GRAMD2B: variants seen among roughly 807,000 people sequenced by gnomAD.
The protein encoded by GRAMD2B is GRAM domain-containing protein 2B.
Under a neutral mutation model 59.2 loss-of-function variants are expected in GRAMD2B, and 41 were observed. The ratio of observed to expected loss-of-function variants is 0.69; its 90% CI spans 0.54 to 0.90. GRAMD2B has a LOEUF of 0.90. Among genes scored for constraint, GRAMD2B ranks in the 40% least tolerant of loss-of-function variants. GRAMD2B has a pLI of 0.00. For missense variants in GRAMD2B, 424 were observed against 500.5 expected, an observed-to-expected ratio of 0.85 and a Z score of 1.46; for synonymous variants, 161 against 182.7, an observed-to-expected ratio of 0.88 and a Z score of 0.96.
chr5:126,386,147 G>A (rs1485721841), intron 1 of GRAMD2B, among the ~76,000 whole-genome samples: 2 of 152,122 alleles, frequency 1.3e-5, no homozygotes, highest in Admixed American at 6.5e-5. Flanking sequence ...TTTGGTTGAC[G>A]TAGATGCTGA....
Position 126,484,854 on chromosome 5 carries a change from G to A in GRAMD2B, c.970+330G>A, listed in dbSNP as rs376642152. ...CCGCCTCAGCCTCCCAAAATGCTGAGATTATAGGCTTGAGCCACCATGCCC... is the reference window on the plus strand; with the variant it reads ...CCGCCTCAGCCTCCCAAAATGCTGAAATTATAGGCTTGAGCCACCATGCCC... On this transcript the variant is annotated intron_variant, in intron 10 of 13. Transcript: ENST00000285689. Among the ~76,000 whole-genome samples the A allele has an allele frequency of 1.8e-4, 27 of 152,312 alleles. No individual in the cohort carries two copies. In the East Asian group the frequency reaches 5.0e-3, roughly 28 times the overall value.
chr5:126,437,992 T>A (rs1762688178), intron 1 of GRAMD2B, among the ~76,000 whole-genome samples: 1 of 152,202 alleles, frequency 6.6e-6, no homozygotes, highest in Admixed American at 6.5e-5. Flanking sequence ...ACTGGAATCT[T>A]CTTTGTCAAT....
chr5:126,480,773 C>T, intron 8 of GRAMD2B, 66 bp downstream of exon 8: 1 of 1,401,956 alleles, frequency 7.1e-7, no homozygotes, highest in Non-Finnish European at 1.0e-6. Flanking sequence ...TACACTTGTG[C>T]TTACACCATG....
At chr5:126,431,160 A>G (rs1303350866) in intron 1 of GRAMD2B, among the ~76,000 whole-genome samples, 4 of 152,134 alleles carry the variant, frequency 2.6e-5, no homozygotes, top group African/African-American at 9.7e-5. Flanking sequence ...GGCCGGAATC[A>G]AGTTTTTTAT....
upstream of GRAMD2B, among the ~76,000 whole-genome samples, chr5:126,421,729 G>T (rs1759744407): frequency 6.6e-6 from 1 of 152,262 alleles, no homozygotes; most frequent in South Asian, 2.1e-4. Flanking sequence ...AAAAAGAGAA[G>T]GAATAAGAAA....
At chr5:126,425,166 T>G (rs1021436030) in intron 1 of GRAMD2B, among the ~76,000 whole-genome samples, 4 of 152,212 alleles carry the variant, frequency 2.6e-5, no homozygotes, top group Non-Finnish European at 4.4e-5. Flanking sequence ...AGGAGTGATA[T>G]GCAGCACTCC....
intron 1 of GRAMD2B, among the ~76,000 whole-genome samples, chr5:126,362,719 G>A (rs1025674599): frequency 6.6e-6 from 1 of 152,024 alleles, no homozygotes; most frequent in African/African-American, 2.4e-5. Context: ...CAACAAAATG[G>A]GCAAGATAAT....
intron 1 of GRAMD2B, among the ~76,000 whole-genome samples, chr5:126,382,948 T>C (rs758973429): frequency 1.7e-4 from 26 of 152,040 alleles, no homozygotes; most frequent in Non-Finnish European, 2.9e-4. Flanking sequence ...CAGACTGCAG[T>C]GATTATTATT....
rs1033348419 is a variant in GRAMD2B, at chr5:126,487,086, A to G, written c.1163+109A>G. 16 of 666,196 alleles carry G rather than the reference A, an allele frequency of 2.4e-5. No homozygotes were observed. The East Asian group carries it at 4.0e-4, about 17-fold the overall frequency. 41.3% of individuals were successfully genotyped at this position (666,196 alleles called of 1,614,324 possible). On this transcript the variant is annotated intron_variant, in intron 12 of 13. Coordinates refer to ENST00000285689, the MANE Select transcript of GRAMD2B (RefSeq NM_023927.4). Reference sequence around the variant, plus strand: ...AACATTAATTGGAGATACATTCTGTATGTGACATTTTGTTAAGTGTATATG... The same window carrying G: ...AACATTAATTGGAGATACATTCTGTGTGTGACATTTTGTTAAGTGTATATG...
At chr5:126,442,584 G>A (rs893322899) in intron 1 of GRAMD2B, among the ~76,000 whole-genome samples, 10 of 152,008 alleles carry the variant, frequency 6.6e-5, no homozygotes, top group South Asian at 2.1e-4. Context: ...GAGCGACCGC[G>A]CCTGGCCTAA....
At chr5:126,394,500 G>A (rs1757183595) in intron 1 of GRAMD2B, among the ~76,000 whole-genome samples, 1 of 152,212 alleles carries the variant, frequency 6.6e-6, no homozygotes, top group Non-Finnish European at 1.5e-5. Flanking sequence ...GCTGCTTTGA[G>A]CCATAATGAG....
At chr5:126,362,734 T>G (rs1413032517) in intron 1 of GRAMD2B, among the ~76,000 whole-genome samples, 10 of 152,176 alleles carry the variant, frequency 6.6e-5, no homozygotes, top group Non-Finnish European at 2.9e-5. Flanking sequence ...GATAATCCAA[T>G]GGGAAAAGAA....
At chr5:126,474,745 C>G (rs2126855085) in intron 5 of GRAMD2B, among the ~76,000 whole-genome samples, 1 of 152,270 alleles carries the variant, frequency 6.6e-6, no homozygotes, top group Middle Eastern at 3.4e-3. Context: ...CTGACTCTAG[C>G]AATGGTTTTA....
chr5:126,362,123 C>T (rs1754248513), intron 1 of GRAMD2B, among the ~76,000 whole-genome samples: 1 of 152,170 alleles, frequency 6.6e-6, no homozygotes, highest in African/African-American at 2.4e-5. Flanking sequence ...TAGCCACATG[C>T]ATTTCTTCAG....
At chr5:126,391,448 G>T (rs976879749) in intron 1 of GRAMD2B, among the ~76,000 whole-genome samples, 2 of 150,814 alleles carry the variant, frequency 1.3e-5, no homozygotes, top group Non-Finnish European at 2.9e-5. Flanking sequence ...TATTTATAAT[G>T]CTGAAATAAA....
chr5:126,461,837 CT>C (rs1767425095), intron 1 of GRAMD2B, among the ~76,000 whole-genome samples: 2 of 152,138 alleles, frequency 1.3e-5, no homozygotes, highest in African/African-American at 4.8e-5. Flanking sequence ...ATGCTCTCCC[CT>C]AATAGGTGAA....
At chr5:126,447,590 G>A (rs1764510414) in intron 1 of GRAMD2B, among the ~76,000 whole-genome samples, 1 of 151,836 alleles carries the variant, frequency 6.6e-6, no homozygotes, top group Non-Finnish European at 1.5e-5. Context: ...CGTGAACCCG[G>A]GAGGCGGAGC....
chr5:126,365,414 T>C (rs960633515), intron 1 of GRAMD2B, among the ~76,000 whole-genome samples: 11 of 152,232 alleles, frequency 7.2e-5, no homozygotes, highest in Non-Finnish European at 1.6e-4. Flanking sequence ...AGGCAGAATA[T>C]GCAATAACCA....
rs1287058885 is a variant in GRAMD2B, at chr5:126,462,841, T to C, written c.84-2585T>C. On this transcript the variant is annotated intron_variant, in intron 1 of 13. Transcript: ENST00000285689. ...GGGCCTTCAAGGAGAGAACCAGTGCTGAAGACAAGACACAAGTTGAAGGAG... is the reference window on the plus strand; with the variant it reads ...GGGCCTTCAAGGAGAGAACCAGTGCCGAAGACAAGACACAAGTTGAAGGAG... 4.6e-5 allele frequency among the ~76,000 whole-genome samples: 7 copies of C among 152,220 alleles called. No homozygotes were observed. The South Asian group carries it at 8.3e-4, about 18-fold the overall frequency.
Sources: allele counts gnomAD v4.1 joint callset (sites outside exome capture counted in the v4.1 genomes callset), GRCh38; gene constraint gnomAD v4.1.1; transcripts MANE v1.5; gene names NCBI Gene and HGNC (gene_info 2026-07-23, HGNC 2026-07-21).